Variants in SIPA1L1 observed in about 807,000 individuals in gnomAD.
The protein encoded by SIPA1L1 is signal-induced proliferation-associated 1-like protein 1.
In SIPA1L1, 26 loss-of-function variants were observed where a neutral mutation model predicts 162.7. That is an observed-to-expected ratio of 0.16 (90% confidence interval 0.12 to 0.22). The LOEUF (loss-of-function observed/expected upper bound fraction) is 0.22, where lower values mean the gene tolerates loss of function less well. Ranked by LOEUF, SIPA1L1 falls within the 10% of genes least tolerant of loss-of-function variation. The pLI is 1.00. For synonymous variants in SIPA1L1, 829 were observed against 837.4 expected (o/e 0.99, Z 0.17); for missense variants, 1,874 against 2,241.0 (o/e 0.84, Z 3.31).
At chr14:71,602,682 C>T (rs2036917218) in intron 5 of SIPA1L1, among the ~76,000 whole-genome samples, 1 of 152,188 alleles carries the variant, frequency 6.6e-6, no homozygotes, top group African/African-American at 2.4e-5. Flanking sequence ...CTCAGGAGTC[C>T]CCAACCACTG....
chr14:71,660,353 C>T (rs531978857), intron 9 of SIPA1L1, among the ~76,000 whole-genome samples: 3 of 151,998 alleles, frequency 2.0e-5, no homozygotes, highest in African/African-American at 7.2e-5. Context: ...TTTCAAATTC[C>T]TGAGGTTAAA....
chr14:71,373,403 A>G (rs2039077509), intron 2 of SIPA1L1, among the ~76,000 whole-genome samples: 1 of 151,572 alleles, frequency 6.6e-6, no homozygotes, highest in Admixed American at 6.6e-5. Context: ...TGGGCGGATC[A>G]CTTGAGGTCA....
chr14:71,476,700 TG>T (rs2047890808), intron 2 of SIPA1L1, among the ~76,000 whole-genome samples: 1 of 149,340 alleles, frequency 6.7e-6, no homozygotes, highest in Non-Finnish European at 1.5e-5. Flanking sequence ...TTTTTTGAGA[TG>T]GAGTCTAGAT....
At chr14:71,484,223 A>T (rs1018818138) in intron 2 of SIPA1L1, among the ~76,000 whole-genome samples, 1 of 147,528 alleles carries the variant, frequency 6.8e-6, no homozygotes, top group Non-Finnish European at 1.5e-5. Context: ...CTTAGAAGTC[A>T]CTCTGCCTCT....
intron 7 of SIPA1L1, among the ~76,000 whole-genome samples, chr14:71,649,995 A>T (rs943958969): frequency 6.6e-6 from 1 of 152,248 alleles, no homozygotes; most frequent in Non-Finnish European, 1.5e-5. Context: ...CCATAAAAAA[A>T]GAATTGCCTT....
At chr14:71,506,722 ATTG>A (rs1224132541) in intron 2 of SIPA1L1, among the ~76,000 whole-genome samples, 7 of 149,536 alleles carry the variant, frequency 4.7e-5, no homozygotes, top group African/African-American at 1.2e-4. Flanking sequence ...TATTTTTTTG[ATTG>A]TTAAGGGTAT....
At chr14:71,523,284 A>G (rs1268235500) in intron 3 of SIPA1L1, among the ~76,000 whole-genome samples, 1 of 151,858 alleles carries the variant, frequency 6.6e-6, no homozygotes, top group African/African-American at 2.4e-5. Flanking sequence ...GCATAGAGAG[A>G]AAAAGGCCTG....
In SIPA1L1 at chr14:71,738,317, T is replaced by C. The variant is rs375954174; in HGVS notation, c.5200T>C (p.Leu1734=). The C allele has an allele frequency of 6.2e-7, 1 of 1,611,590 alleles. No individual in the cohort carries two copies. Among genetic ancestry groups the C allele is most frequent in the Non-Finnish European group, 8.5e-7 (1 of 1,177,854 alleles). ...EGMLKMLRED[L]KKEKEDKAHL... Reference sequence around the variant, plus strand: ...TATGCTGAAGATGCTTCGGGAAGATTTGAAGAAGGTAAACATGTATTCTCA... The same window carrying C: ...TATGCTGAAGATGCTTCGGGAAGATCTGAAGAAGGTAAACATGTATTCTCA... The change falls in exon 23 of 24, where the codon TTG becomes CTG. Residue 1734 remains leucine (L), a synonymous_variant. Transcript: ENST00000381232.
At chr14:71,720,576 C>A (rs2083633970) in intron 17 of SIPA1L1, among the ~76,000 whole-genome samples, 1 of 151,892 alleles carries the variant, frequency 6.6e-6, no homozygotes, top group African/African-American at 2.4e-5. Flanking sequence ...AAAAGAAAAA[C>A]AAATTTACCC....
Position 71,720,425 on chromosome 14 carries a change from A to G in SIPA1L1, c.4209-3222A>G, listed in dbSNP as rs144248247. Among the ~76,000 whole-genome samples the G allele has an allele frequency of 1.5e-3, 225 of 152,246 alleles. 1 individual carries two copies. The highest frequency in any genetic ancestry group is 6.3e-4 in the Non-Finnish European group (43 of 68,008). ...GTGAAATTCTGTCTCTACTAAAAATACAAAAATTAGCTGGGCATGGTGGCG... is the reference window on the plus strand; with the variant it reads ...GTGAAATTCTGTCTCTACTAAAAATGCAAAAATTAGCTGGGCATGGTGGCG... On this transcript the variant is annotated intron_variant, in intron 17 of 23. Coordinates refer to ENST00000381232, the MANE Select transcript of SIPA1L1 (RefSeq NM_001386936.1).
At chr14:71,562,924 G>A (rs1168859649) in intron 4 of SIPA1L1, among the ~76,000 whole-genome samples, 4 of 152,176 alleles carry the variant, frequency 2.6e-5, no homozygotes, top group African/African-American at 9.7e-5. Context: ...CAAAGTGCTA[G>A]GATTACAGGC....
chr14:71,721,747 A>G (rs1211922650), intron 17 of SIPA1L1, among the ~76,000 whole-genome samples: 2 of 152,142 alleles, frequency 1.3e-5, no homozygotes, highest in Non-Finnish European at 2.9e-5. Flanking sequence ...TGGTGTAGGC[A>G]TTCCCTTGGC....
intron 4 of SIPA1L1, among the ~76,000 whole-genome samples, chr14:71,530,790 T>C (rs1455605581): frequency 1.3e-5 from 2 of 152,246 alleles, no homozygotes; most frequent in Non-Finnish European, 2.9e-5. Flanking sequence ...TTGTTTGTGT[T>C]CTTCCCACAT....
At chr14:71,438,542 T>A (rs537710165) in intron 2 of SIPA1L1, among the ~76,000 whole-genome samples, 1 of 152,346 alleles carries the variant, frequency 6.6e-6, no homozygotes, top group East Asian at 1.9e-4. Flanking sequence ...GTCTTTACTT[T>A]CATTCCAGAG....
intron 15 of SIPA1L1, among the ~76,000 whole-genome samples, chr14:71,704,507 G>C (rs945385979): frequency 6.6e-6 from 1 of 152,288 alleles, no homozygotes; most frequent in Middle Eastern, 3.4e-3. Context: ...ATGGTTGAGA[G>C]TCAGAGTCAA....
chr14:71,403,284 A>G (rs2041807459), intron 2 of SIPA1L1, among the ~76,000 whole-genome samples: 1 of 152,092 alleles, frequency 6.6e-6, no homozygotes, highest in Non-Finnish European at 1.5e-5. Context: ...TATATGTATA[A>G]TGAGTTTGAA....
chr14:71,544,183 G>A (rs1049222614), intron 4 of SIPA1L1, among the ~76,000 whole-genome samples: 8 of 150,430 alleles, frequency 5.3e-5, no homozygotes, highest in East Asian at 3.9e-4. Flanking sequence ...GCACGTGTGT[G>A]TATATATACA....
At chr14:71,609,443 TTTATTTA>T (rs2037932770) in intron 5 of SIPA1L1, among the ~76,000 whole-genome samples, 3 of 70,312 alleles carry the variant, frequency 4.3e-5, no homozygotes, top group African/African-American at 2.9e-4. Context: ...TAATATTTTA[TTTATTTA>T]TTTATTTATT....
Position 71,730,139 on chromosome 14 carries a change from A to G in SIPA1L1, c.4699A>G (p.Ser1567Gly). 6.2e-7 allele frequency: 1 copy of G among 1,614,136 alleles called. No individual in the cohort carries two copies. Among genetic ancestry groups the G allele is most frequent in the Non-Finnish European group, 8.5e-7 (1 of 1,180,018 alleles). The change falls in exon 20 of 24, where the codon AGC (serine) becomes GGC (glycine). Residue 1567 changes from serine (S) to glycine (G), a missense_variant. Ser to Gly is a moderately conservative substitution (Grantham distance 56). Transcript: ENST00000381232. Reference sequence around the variant, plus strand: ...CTTGCACAGAACACTGTCGGACGAGAGCATTTACAATAGCCAGAGGGAGCA... The same window carrying G: ...CTTGCACAGAACACTGTCGGACGAGGGCATTTACAATAGCCAGAGGGAGCA... ...RALHRTLSDE[S>G]IYNSQREHFF...
Sources: gnomAD v4.1 joint callset for allele counts (sites outside exome capture counted in the v4.1 genomes callset) on GRCh38, gnomAD v4.1.1 for gene constraint, MANE v1.5 for transcripts, NCBI Gene and HGNC (gene_info 2026-07-23, HGNC 2026-07-21) for gene names.